ATXN7L3: variants seen among roughly 807,000 people sequenced by gnomAD.
ATXN7L3 encodes the protein ataxin-7-like protein 3.
In ATXN7L3, 6 loss-of-function variants were observed where a neutral mutation model predicts 50.0. The observed-to-expected ratio is 0.12, with a 90% CI of 0.07 to 0.24. ATXN7L3 has a LOEUF of 0.24. ATXN7L3 is among the 10% of genes least tolerant of loss of function. ATXN7L3 has a pLI of 1.00. For missense variants in ATXN7L3, 322 were observed against 451.3 expected (o/e 0.71, Z 2.60); for synonymous variants, 198 against 165.8 (o/e 1.19, Z -1.49).
chr17:44,197,857 C>T lies in ATXN7L3; in HGVS notation c.52-127G>A, dbSNP rs1157346391. 3.3e-6 allele frequency: 5 copies of T among 1,534,254 alleles called. No individual in the cohort carries two copies. The South Asian group carries it at 3.5e-5, about 11-fold the overall frequency. On this transcript the variant is annotated intron_variant, in intron 2 of 12. Coordinates refer to ENST00000587097, the MANE Select transcript of ATXN7L3 (RefSeq NM_001382309.1). Reference sequence around the variant, plus strand: ...TTCTTTGCCATTTTCCCCATCTTGACTTCGTGTTCTTTCTTCTTCCTGGAT... The same window carrying T: ...TTCTTTGCCATTTTCCCCATCTTGATTTCGTGTTCTTTCTTCTTCCTGGAT...
At position 44,194,607 on chromosome 17, in the gene ATXN7L3, T is replaced by G; in HGVS notation, c.805A>C (p.Ile269Leu). Reference protein sequence around the residue: ...SFDMTDSQALISRLQWDGSSD... With the variant: ...SFDMTDSQALLSRLQWDGSSD... ...GAGCCGTCCCACTGAAGCCGGCTGA[T>G]CAGGGCCTGGCTGTCAGTCATGTCA... is the stretch of plus-strand genomic sequence containing the variant. Residue 269 changes from isoleucine to leucine, a missense_variant, in exon 12 of 13, where the codon ATC (isoleucine) becomes CTC (leucine). Physicochemically the swap from Ile to Leu is conservative, Grantham distance 5. Coordinates refer to ENST00000587097, the MANE Select transcript of ATXN7L3 (RefSeq NM_001382309.1). The G allele has an allele frequency of 6.2e-7, 1 of 1,613,836 alleles. No individual in the cohort carries two copies. Among genetic ancestry groups the G allele is most frequent in the Non-Finnish European group, 8.5e-7 (1 of 1,180,006 alleles).
intron 6 of ATXN7L3, 32 bp downstream of exon 6, chr17:44,196,364 A>G (rs1180331693): frequency 2.5e-6 from 4 of 1,612,768 alleles, no homozygotes; most frequent in Admixed American, 1.7e-5. Context: ...TCCTTTACCC[A>G]TTATTTCCCC....
At chr17:44,194,986 G>C in intron 10 of ATXN7L3, 111 bp downstream of exon 10, 1 of 1,477,146 alleles carries the variant, frequency 6.8e-7, no homozygotes, top group Non-Finnish European at 9.4e-7. Flanking sequence ...CATTAGAGGA[G>C]GGAAGGGGAA....
Position 44,194,192 on chromosome 17 carries a change from A to G in ATXN7L3, c.*71T>C. 1 of 1,552,164 alleles carries G rather than the reference A, an allele frequency of 6.4e-7. No individual in the cohort carries two copies. Among genetic ancestry groups the G allele is most frequent in the East Asian group, 2.3e-5 (1 of 44,434 alleles). On this transcript the variant is annotated 3_prime_UTR_variant, in exon 13 of 13. Transcript: ENST00000587097. ...AACCCCCAGCAGCCGTCCATTTGCC[A>G]GGCTATGCCACCTGGGTGGGGGTCA...
chr17:44,197,973 G>A, intron 2 of ATXN7L3, 47 bp downstream of exon 2: 2 of 1,593,270 alleles, frequency 1.3e-6, no homozygotes, highest in South Asian at 1.1e-5. Flanking sequence ...CAGCGACGTA[G>A]AGACATCAAG....
chr17:44,194,628 T>C lies in ATXN7L3; in HGVS notation c.784A>G (p.Met262Val). The change falls in exon 12 of 13, where the codon ATG becomes GTG. Residue 262 changes from methionine to valine, a missense_variant. Coordinates refer to ENST00000587097, the MANE Select transcript of ATXN7L3 (RefSeq NM_001382309.1). Reference sequence around the variant, plus strand: ...CTGATCAGGGCCTGGCTGTCAGTCATGTCAAAGCTGTCATTATCCAGGGAG... The same window carrying C: ...CTGATCAGGGCCTGGCTGTCAGTCACGTCAAAGCTGTCATTATCCAGGGAG... ...ESSLDNDSFDMTDSQALISRL... is the reference protein window; with the variant it reads ...ESSLDNDSFDVTDSQALISRL... 1.2e-6 allele frequency: 2 copies of C among 1,613,944 alleles called. No individual in the cohort carries two copies. Among genetic ancestry groups the C allele is most frequent in the South Asian group, 1.1e-5 (1 of 91,070 alleles).
Position 44,194,758 on chromosome 17 carries a change from G to A in ATXN7L3, c.737+10C>T. On this transcript the variant is annotated intron_variant, in intron 11 of 12. Transcript: ENST00000587097. ...TCACAACCCCCCACCCTTCCTGTAG[G>A]GCCACTTACGCCGAGGGCCCGAGAA... 6.2e-7 allele frequency: 1 copy of A among 1,614,094 alleles called. No individual in the cohort carries two copies. The highest frequency in any genetic ancestry group is 8.5e-7 in the Non-Finnish European group (1 of 1,179,982).
chr17:44,196,403 G>A lies in ATXN7L3; in HGVS notation c.470C>T (p.Ser157Leu). ...GCCTGGCCCGGCTCTCACCTTGTCT[G>A]ACTTTCTCTTCTTGGCTGTGGGAAA... ...GSEKKAKKRK[S>L]DKNPNSPRRS... Residue 157 changes from serine to leucine, a missense_variant, in exon 6 of 13, where the codon TCA becomes TTA. Ser to Leu is a moderately radical substitution (Grantham distance 145, BLOSUM62 -2). This residue lies in a region of ATXN7L3 where 95 missense variants were observed against 98.1 expected (regional missense o/e 0.97). Coordinates refer to ENST00000587097, the MANE Select transcript of ATXN7L3 (RefSeq NM_001382309.1). 1 of 1,614,048 alleles carries A rather than the reference G, an allele frequency of 6.2e-7. No homozygotes were observed. The highest frequency in any genetic ancestry group is 8.5e-7 in the Non-Finnish European group (1 of 1,180,008).
rs753815451 is a variant in ATXN7L3 at position 44,197,642 on chromosome 17, T to A, written c.140A>T (p.Tyr47Phe). The change falls in exon 3 of 13, where the codon TAC (tyrosine) becomes TTC (phenylalanine). Residue 47 changes from tyrosine to phenylalanine, a missense_variant. Around this residue, in one of 5 missense-constraint regions of ATXN7L3, gnomAD observed 48 missense variants for 134.6 expected, o/e 0.36. Transcript: ENST00000587097. ...AGGGTCCGTGTCGTCCAAGAAGAAG[T>A]AGCCACACTTGACAGCCCGGTGTAC... ...FEVHRAVKCG[Y>F]FFLDDTDPDS... 1 of 1,614,086 alleles carries A rather than the reference T, an allele frequency of 6.2e-7. No individual in the cohort carries two copies. Among genetic ancestry groups the A allele is most frequent in the African/African-American group, 1.3e-5 (1 of 74,916 alleles).
At position 44,196,433 on chromosome 17, in the gene ATXN7L3, A is replaced by G. The variant is rs771954655; in HGVS notation, c.455-15T>C. The G allele has an allele frequency of 2.5e-6, 4 of 1,613,920 alleles. No individual in the cohort carries two copies. The highest frequency in any genetic ancestry group is 3.4e-6 in the Non-Finnish European group (4 of 1,179,992). On this transcript the variant is annotated splice_polypyrimidine_tract_variant and intron_variant, in intron 5 of 12. Coordinates refer to ENST00000587097, the MANE Select transcript of ATXN7L3 (RefSeq NM_001382309.1). ...TCTCTTCTTGGCTGTGGGAAACAAA[A>G]GCATAAAGAGCAGGGTTTCCGTTAA...
rs2055798421 is a variant in ATXN7L3, at chr17:44,194,272, G to A, written c.1035C>T (p.Asp345=). 2 of 1,614,036 alleles carry A rather than the reference G, an allele frequency of 1.2e-6. No individual in the cohort carries two copies. Among genetic ancestry groups the A allele is most frequent in the African/African-American group, 2.7e-5 (2 of 74,940 alleles). Reference sequence around the variant, plus strand: ...ATCCCTTGCACCCAAGTCAGTTGATGTCATCATAGATGCTGGGCGTCGGGG... The same window carrying A: ...ATCCCTTGCACCCAAGTCAGTTGATATCATCATAGATGCTGGGCGTCGGGG... ...PAPPTPSIYD[D]IN is the part of the protein sequence containing the mutation. The change falls in exon 13 of 13, where the codon GAC becomes GAT. Residue 345 remains aspartate (D), a synonymous_variant. Coordinates refer to ENST00000587097, the MANE Select transcript of ATXN7L3 (RefSeq NM_001382309.1).
At chr17:44,196,240 T>TGGCCCCCCC in intron 6 of ATXN7L3, 156 bp downstream of exon 6, 1 of 366,836 alleles carries the variant, frequency 2.7e-6, no homozygotes, top group Non-Finnish European at 4.7e-6. Context: ...CCACCCCCCT[T>TGGCCCCCCC]CCCCACCCAC....
chr17:44,195,114 G>C lies in ATXN7L3; in HGVS notation c.648C>G (p.Thr216=). ...TTQCGVISEH[T]KKMCTRSLRC... ...GTGCTCACCTTGTGCACATCTTCTT[G>C]GTGTGTTCAGAAATCACCCCACATT... Residue 216 remains threonine (T), a synonymous_variant, in exon 10 of 13, where the codon ACC becomes ACG. Coordinates refer to ENST00000587097, the MANE Select transcript of ATXN7L3 (RefSeq NM_001382309.1). 1.2e-6 allele frequency: 2 copies of C among 1,614,082 alleles called. No individual in the cohort carries two copies.
intron 1 of ATXN7L3, 129 bp from the exon 2 acceptor site, chr17:44,198,259 C>G: frequency 1.7e-6 from 1 of 595,134 alleles, no homozygotes; most frequent in East Asian, 2.8e-5. Flanking sequence ...AAGGCCCAGG[C>G]TCCCTAAGTC....
intron 6 of ATXN7L3, 53 bp from the exon 7 acceptor site, chr17:44,196,132 C>T (rs1194537541): frequency 3.8e-6 from 6 of 1,567,270 alleles, no homozygotes; most frequent in African/African-American, 1.4e-5. Flanking sequence ...AAGGGGGAGC[C>T]GAGAACCCAG....
At chr17:44,198,390 G>A (rs1366347712) in intron 1 of ATXN7L3, 5 of 341,806 alleles carry the variant, frequency 1.5e-5, no homozygotes, top group Admixed American at 4.5e-5. Flanking sequence ...GCTCACCCTA[G>A]GTCCCCAAAA....
At chr17:44,194,437 G>C (rs1196931204) in intron 12 of ATXN7L3, 26 bp from the exon 13 acceptor site, 27 of 1,613,812 alleles carry the variant, frequency 1.7e-5, no homozygotes, top group East Asian at 8.9e-5. Flanking sequence ...CACAAGGGAT[G>C]AGAGTATGGT....
At chr17:44,194,999 G>A (rs1238066330) in intron 10 of ATXN7L3, 98 bp downstream of exon 10, 8 of 1,505,762 alleles carry the variant, frequency 5.3e-6, no homozygotes, top group Non-Finnish European at 7.4e-6. Context: ...AAGGGGAAGG[G>A]CAGGAGCCCC....
chr17:44,198,110 GC>G lies in ATXN7L3; in HGVS notation c.-41del. The G allele has an allele frequency of 6.2e-7, 1 of 1,602,786 alleles. No homozygotes were observed. Among genetic ancestry groups the G allele is most frequent in the Non-Finnish European group, 8.5e-7 (1 of 1,171,002 alleles). ...GGAGACGGCGCTCTGACTGCTCATA[GC>G]ACAGCGGGCGGCAACACGGCTGCAC... On this transcript the variant is annotated 5_prime_UTR_variant, in exon 2 of 13. Transcript: ENST00000587097.
Sources: allele counts gnomAD v4.1 joint callset, GRCh38; gene constraint gnomAD v4.1.1; regional missense constraint gnomAD v4.1.1; transcripts MANE v1.5; gene names NCBI Gene and HGNC (gene_info 2026-07-23, HGNC 2026-07-21).